Variants in ZNF429 observed in about 807,000 individuals in gnomAD.
ZNF429 encodes zinc finger protein 429.
Under a neutral mutation model 56.8 loss-of-function variants are expected in ZNF429, and 53 were observed. The ratio of observed to expected loss-of-function variants is 0.93; its 90% confidence interval spans 0.75 to 1.17. The LOEUF (loss-of-function observed/expected upper bound fraction) is 1.17, where lower values mean the gene tolerates loss of function less well. Among genes scored for constraint, ZNF429 ranks in the 50% most tolerant of loss-of-function variants. The pLI is 0.00. For synonymous variants in ZNF429, 278 were observed against 264.7 expected (o/e 1.05, Z -0.49); for missense variants, 849 against 788.4 (o/e 1.08, Z -0.92).
chr19:21,517,237 C>T (rs1444543294), intron 1 of ZNF429, among the ~76,000 whole-genome samples: 3 of 152,160 alleles, frequency 2.0e-5, no homozygotes, highest in Admixed American at 1.3e-4. Context: ...TGATGAATCA[C>T]ATTTATTGAC....
At position 21,538,740 on chromosome 19, in the gene ZNF429, C is replaced by G. The variant is rs925050987; in HGVS notation, c.*662C>G. The G allele has an allele frequency of 2.6e-5, 4 of 152,094 alleles. No individual in the cohort carries two copies. The highest frequency in any genetic ancestry group is 7.2e-5 in the African/African-American group (3 of 41,416). 9.4% of individuals were successfully genotyped at this position (152,094 alleles called of 1,614,324 possible). On this transcript the variant is annotated 3_prime_UTR_variant, in exon 4 of 4. Transcript: ENST00000358491. ...GCATTTATACCTGAAAAAAGGTATACAAATTTAAAAAATGTGGAAAAGCCA... is the reference window on the plus strand; with the variant it reads ...GCATTTATACCTGAAAAAAGGTATAGAAATTTAAAAAATGTGGAAAAGCCA...
intron 1 of ZNF429, among the ~76,000 whole-genome samples, chr19:21,511,491 G>A (rs972865660): frequency 2.0e-5 from 3 of 152,068 alleles, no homozygotes; most frequent in Admixed American, 2.0e-4. Flanking sequence ...TGGCCAGGCA[G>A]AGATGCTCCT....
intron 3 of ZNF429, among the ~76,000 whole-genome samples, chr19:21,531,190 T>C: frequency 6.7e-6 from 1 of 149,258 alleles, no homozygotes; most frequent in East Asian, 2.0e-4. Flanking sequence ...CTGAAGAATA[T>C]TCATTCTGTT....
At chr19:21,520,137 G>A (rs1401448025) in intron 1 of ZNF429, among the ~76,000 whole-genome samples, 1 of 152,096 alleles carries the variant, frequency 6.6e-6, no homozygotes, top group African/African-American at 2.4e-5. Context: ...AGGATTACAG[G>A]CATGAGCCAC....
chr19:21,528,530 C>A (rs2033250746), intron 1 of ZNF429, among the ~76,000 whole-genome samples: 1 of 151,910 alleles, frequency 6.6e-6, no homozygotes, highest in South Asian at 2.1e-4. Context: ...CATGGTGAAA[C>A]CCCATCTCTA....
chr19:21,535,048 C>G, intron 3 of ZNF429, among the ~76,000 whole-genome samples: 1 of 148,770 alleles, frequency 6.7e-6, no homozygotes, highest in Non-Finnish European at 1.5e-5. Flanking sequence ...GGGATGGTCT[C>G]GATCTCCTGA....
intron 1 of ZNF429, among the ~76,000 whole-genome samples, chr19:21,515,010 C>G (rs1045989358): frequency 6.7e-6 from 1 of 148,838 alleles, no homozygotes; most frequent in African/African-American, 2.5e-5. Context: ...GCGTGATCCC[C>G]GCTCACTGCA....
chr19:21,535,381 TTTACTTTC>T, intron 3 of ZNF429, among the ~76,000 whole-genome samples: 4 of 48,990 alleles, frequency 8.2e-5, no homozygotes, highest in Admixed American at 1.8e-4. Flanking sequence ...TTCTTTCTTT[TTTACTTTC>T]TTTCTTTCTT....
chr19:21,505,998 C>T (rs1203541110), intron 1 of ZNF429: 1 of 436,726 alleles, frequency 2.3e-6, no homozygotes. Context: ...CTGTGCCTGA[C>T]GTGTAGCCCT....
chr19:21,529,545 C>A, intron 1 of ZNF429, 113 bp from the exon 2 acceptor site: 1 of 1,268,900 alleles, frequency 7.9e-7, no homozygotes, highest in Non-Finnish European at 1.0e-6. Context: ...AGAAGCAGTT[C>A]TCTTTACTCT....
At position 21,536,343 on chromosome 19, in the gene ZNF429, A is replaced by T; in HGVS notation, c.290A>T (p.Lys97Ile). ...PEQDIKDSFQ[K>I]VTLRRYDKRG... Reference sequence around the variant, plus strand: ...CAAGACATAAAAGATTCTTTCCAAAAAGTGACACTGAGGAGATATGATAAA... The same window carrying T: ...CAAGACATAAAAGATTCTTTCCAAATAGTGACACTGAGGAGATATGATAAA... The change falls in exon 4 of 4, where the codon AAA becomes ATA. Residue 97 changes from lysine to isoleucine, a missense_variant. By Grantham distance (102) the Lys-to-Ile change is moderately radical. Transcript: ENST00000358491. 1 of 1,611,402 alleles carries T rather than the reference A, an allele frequency of 6.2e-7. No individual in the cohort carries two copies. Among genetic ancestry groups the T allele is most frequent in the Non-Finnish European group, 8.5e-7 (1 of 1,179,192 alleles).
chr19:21,508,722 G>C (rs2032308879), intron 1 of ZNF429, among the ~76,000 whole-genome samples: 1 of 149,876 alleles, frequency 6.7e-6, no homozygotes, highest in South Asian at 2.1e-4. Flanking sequence ...ATGGCTGGGT[G>C]ATTTCAAACA....
chr19:21,524,529 A>G (rs79967169), intron 1 of ZNF429, among the ~76,000 whole-genome samples: 2 of 142,700 alleles, frequency 1.4e-5, no homozygotes, highest in Non-Finnish European at 3.0e-5. Context: ...CTCCATCTCA[A>G]AAAAAAAAAA....
rs896133096 is a variant in ZNF429, at chr19:21,538,461, G to A, written c.*383G>A. On this transcript the variant is annotated 3_prime_UTR_variant, in exon 4 of 4. Coordinates refer to ENST00000358491, the MANE Select transcript of ZNF429 (RefSeq NM_001001415.4). ...CTAAAAATACAAAAATTAGCTGGAT[G>A]TGGTGGCACATGCCTGTAGTCCTAG... 1.3e-5 allele frequency among the ~76,000 whole-genome samples: 2 copies of A among 151,758 alleles called. No individual in the cohort carries two copies. Among genetic ancestry groups the A allele is most frequent in the Non-Finnish European group, 2.9e-5 (2 of 67,942 alleles).
At chr19:21,512,386 C>A (rs1236270918) in intron 1 of ZNF429, among the ~76,000 whole-genome samples, 1 of 152,006 alleles carries the variant, frequency 6.6e-6, no homozygotes, top group Non-Finnish European at 1.5e-5. Context: ...AATGCCTTAA[C>A]TGTGGGCCAT....
At chr19:21,513,350 A>G (rs999127135) in intron 1 of ZNF429, among the ~76,000 whole-genome samples, 6 of 152,152 alleles carry the variant, frequency 3.9e-5, no homozygotes, top group African/African-American at 1.2e-4. Flanking sequence ...ATCTTTTATA[A>G]TAAACCAGTA....
At chr19:21,528,677 C>T (rs2033257738) in intron 1 of ZNF429, among the ~76,000 whole-genome samples, 1 of 151,908 alleles carries the variant, frequency 6.6e-6, no homozygotes, top group Non-Finnish European at 1.5e-5. Flanking sequence ...TCCACTCCAG[C>T]CTGGGGGACA....
At chr19:21,509,522 G>T (rs2032352180) in intron 1 of ZNF429, among the ~76,000 whole-genome samples, 1 of 152,168 alleles carries the variant, frequency 6.6e-6, no homozygotes, top group South Asian at 2.1e-4. Context: ...CCAAGCTAAG[G>T]CTAATATTGA....
intron 1 of ZNF429, among the ~76,000 whole-genome samples, chr19:21,526,241 CT>C (rs2033168469): frequency 6.6e-6 from 1 of 151,594 alleles, no homozygotes; most frequent in Non-Finnish European, 1.5e-5. Context: ...TGCATAAGTT[CT>C]TTAGTGGTGA....
Sources: gnomAD v4.1 joint callset for allele counts (sites outside exome capture counted in the v4.1 genomes callset) on GRCh38, gnomAD v4.1.1 for gene constraint, MANE v1.5 for transcripts, NCBI Gene and HGNC (gene_info 2026-07-23, HGNC 2026-07-21) for gene names.